LPAR1: variants seen among roughly 807,000 people sequenced by gnomAD.
LPAR1 encodes the protein lysophosphatidic acid receptor 1, also known as LPA receptor 1.
Under a neutral mutation model 23.8 loss-of-function variants are expected in LPAR1, and 5 were observed. The observed-to-expected ratio is 0.21, with a 90% CI of 0.11 to 0.44. The LOEUF is 0.44. Among genes scored for constraint, LPAR1 ranks in the 20% least tolerant of loss-of-function variants. LPAR1 has a pLI of 0.99. For missense variants in LPAR1, 311 were observed against 482.8 expected (o/e 0.64, Z 3.33); for synonymous variants, 160 against 164.7 (o/e 0.97, Z 0.22).
At chr9:111,014,620 C>T (rs1412287965) in intron 2 of LPAR1, among the ~76,000 whole-genome samples, 1 of 152,028 alleles carries the variant, frequency 6.6e-6, no homozygotes, top group Non-Finnish European at 1.5e-5. Flanking sequence ...CTGAAGTGAG[C>T]CCCCTGCACA....
chr9:111,020,080 G>A (rs2097534797), intron 2 of LPAR1, among the ~76,000 whole-genome samples: 1 of 152,050 alleles, frequency 6.6e-6, no homozygotes, highest in Non-Finnish European at 1.5e-5. Context: ...AATCCTATCA[G>A]ATTAGGACCC....
chr9:110,977,292 C>T lies in LPAR1; in HGVS notation c.-181-3734G>A, dbSNP rs377716644. Among the ~76,000 whole-genome samples the T allele has an allele frequency of 5.1e-4, 77 of 152,250 alleles. No homozygotes were observed. The South Asian group carries it at 0.013, about 26-fold the overall frequency. ...CTCCTGGCTTCAGAGGCCAGCCAAG[C>T]AAGTAACCTCTGGCTGCATTTACTT... On this transcript the variant is annotated intron_variant, in intron 2 of 5. Coordinates refer to ENST00000683809, the MANE Select transcript of LPAR1 (RefSeq NM_001351411.2).
intron 5 of LPAR1, chr9:110,934,467 G>A (rs1483067671): frequency 1.3e-5 from 2 of 152,060 alleles, no homozygotes; most frequent in South Asian, 2.1e-4. Context: ...AGATTTCTTT[G>A]TTCTTTCTCC....
chr9:110,942,534 G>C (rs1401370005), intron 4 of LPAR1, among the ~76,000 whole-genome samples: 1 of 152,102 alleles, frequency 6.6e-6, no homozygotes, highest in Non-Finnish European at 1.5e-5. Context: ...AAATCTATTT[G>C]ACCTGTTATT....
intron 2 of LPAR1, among the ~76,000 whole-genome samples, chr9:110,981,824 G>A (rs1337554687): frequency 6.6e-6 from 1 of 152,084 alleles, no homozygotes; most frequent in Non-Finnish European, 1.5e-5. Flanking sequence ...GATATGAACA[G>A]ACACTTCTCA....
intron 2 of LPAR1, among the ~76,000 whole-genome samples, chr9:111,025,916 T>C (rs2097682221): frequency 6.6e-6 from 1 of 152,236 alleles, no homozygotes; most frequent in Non-Finnish European, 1.5e-5. Flanking sequence ...ATATCTGTTT[T>C]GGTACCAGTA....
intron 5 of LPAR1, among the ~76,000 whole-genome samples, chr9:110,918,202 G>A (rs983460861): frequency 2.0e-5 from 3 of 152,036 alleles, no homozygotes; most frequent in Non-Finnish European, 4.4e-5. Flanking sequence ...TTATAGGTGT[G>A]AGCCACTGCA....
chr9:110,901,616 G>A (rs1011401057), intron 5 of LPAR1, among the ~76,000 whole-genome samples: 2 of 152,104 alleles, frequency 1.3e-5, no homozygotes, highest in Non-Finnish European at 2.9e-5. Context: ...AACAGCATGG[G>A]AAAGACCCAC....
intron 5 of LPAR1, among the ~76,000 whole-genome samples, chr9:110,912,500 A>G (rs2092583911): frequency 6.6e-6 from 1 of 152,202 alleles, no homozygotes; most frequent in African/African-American, 2.4e-5. Context: ...TTCTTCTAAA[A>G]GCAAAGAGAG....
At chr9:110,900,016 A>G (rs577271339) in intron 5 of LPAR1, among the ~76,000 whole-genome samples, 5 of 152,318 alleles carry the variant, frequency 3.3e-5, no homozygotes, top group Admixed American at 2.6e-4. Context: ...GTTATATGAG[A>G]CAAATAGCAA....
chr9:110,950,463 TAA>T (rs56274036), intron 4 of LPAR1, among the ~76,000 whole-genome samples: 54,382 of 121,754 alleles, frequency 0.45, 11,161 homozygotes, highest in East Asian at 0.83. Context: ...AGACTCTGTC[TAA>T]AAAAAAAAAA....
intron 2 of LPAR1, among the ~76,000 whole-genome samples, chr9:111,002,766 A>G (rs2097151377): frequency 6.6e-6 from 1 of 152,204 alleles, no homozygotes; most frequent in Admixed American, 6.5e-5. Context: ...ACTTTCAGTA[A>G]AAGAGGAATG....
In LPAR1 at chr9:110,874,283, T is replaced by C. The variant is rs904364533; in HGVS notation, c.*1138A>G. 1 of 152,584 alleles carries C rather than the reference T, an allele frequency of 6.6e-6. No individual in the cohort carries two copies. The highest frequency in any genetic ancestry group is 1.5e-5 in the Non-Finnish European group (1 of 68,024). 9.5% of individuals were successfully genotyped at this position (152,584 alleles called of 1,614,324 possible). A position where few individuals can be genotyped will look rare whatever the true frequency, so the allele number is the denominator to read the frequency against. On this transcript the variant is annotated 3_prime_UTR_variant, in exon 6 of 6. Coordinates refer to ENST00000683809, the MANE Select transcript of LPAR1 (RefSeq NM_001351411.2). ...TGAGTTGCATCCATTAAATGGAATATAATATAGCCATTAAAATTATGTTTT... is the reference window on the plus strand; with the variant it reads ...TGAGTTGCATCCATTAAATGGAATACAATATAGCCATTAAAATTATGTTTT...
intron 5 of LPAR1, among the ~76,000 whole-genome samples, chr9:110,935,744 G>C (rs1244071341): frequency 6.6e-6 from 1 of 152,214 alleles, no homozygotes; most frequent in Non-Finnish European, 1.5e-5. Flanking sequence ...GTTAGTGCCT[G>C]TTTTCATTCC....
chr9:110,932,642 C>A (rs565663282), intron 5 of LPAR1, among the ~76,000 whole-genome samples: 1 of 152,234 alleles, frequency 6.6e-6, no homozygotes, highest in Non-Finnish European at 1.5e-5. Flanking sequence ...GCAGCAGATG[C>A]GCAAGCATTA....
rs781110861 is a variant in LPAR1, at chr9:110,942,067, G to A, written c.147C>T (p.Ser49=). 6.2e-7 allele frequency: 1 copy of A among 1,614,164 alleles called. No individual in the cohort carries two copies. The highest frequency in any genetic ancestry group is 1.1e-5 in the South Asian group (1 of 91,076). ...KHLATEWNTV[S]KLVMGLGITV... ...TGATTCCAAGTCCCATCACCAGCTT[G>A]CTGACTGTGTTCCATTCTGTGGCAA... The change falls in exon 5 of 6, where the codon AGC becomes AGT. Residue 49 remains serine, a synonymous_variant. Coordinates refer to ENST00000683809, the MANE Select transcript of LPAR1 (RefSeq NM_001351411.2).
intron 4 of LPAR1, among the ~76,000 whole-genome samples, chr9:110,951,477 G>A (rs1013985903): frequency 3.0e-4 from 46 of 152,130 alleles, no homozygotes; most frequent in African/African-American, 8.2e-4. Context: ...AAGGGGCACC[G>A]ATGTGGATAG....
intron 5 of LPAR1, among the ~76,000 whole-genome samples, chr9:110,909,898 C>T (rs1588266620): frequency 6.6e-6 from 1 of 151,980 alleles, no homozygotes; most frequent in East Asian, 1.9e-4. Flanking sequence ...CAGGTGCCTG[C>T]CACCATGCTC....
intron 4 of LPAR1, among the ~76,000 whole-genome samples, chr9:110,951,179 C>T (rs2095558197): frequency 6.6e-6 from 1 of 151,890 alleles, no homozygotes. Context: ...AAATCCGTTT[C>T]AGGCAATATG....
Sources: gnomAD v4.1 joint callset for allele counts (sites outside exome capture counted in the v4.1 genomes callset) on GRCh38, gnomAD v4.1.1 for gene constraint, MANE v1.5 for transcripts, NCBI Gene and HGNC (gene_info 2026-07-23, HGNC 2026-07-21) for gene names.